The following SLC38A7 variants were observed in gnomAD, a reference collection of about 807,000 sequenced individuals.
SLC38A7 encodes the protein sodium-coupled neutral amino acid transporter 7.
SLC38A7 carries 29 observed loss-of-function variants against 50.1 expected under a neutral mutation model. The observed-to-expected ratio is 0.58, with a 90% CI of 0.43 to 0.79. SLC38A7 has a LOEUF of 0.79. SLC38A7 is among the 30% of genes least tolerant of loss of function. The probability of loss-of-function intolerance (pLI) is 0.00; values close to 1 mark genes in which losing one functional copy is unlikely to be tolerated. For synonymous variants in SLC38A7, 244 were observed against 245.9 expected, an observed-to-expected ratio of 0.99 and a Z score of 0.07; for missense variants, 483 against 610.6, an observed-to-expected ratio of 0.79 and a Z score of 2.20.
intron 11 of SLC38A7, among the ~76,000 whole-genome samples, chr16:58,669,713 G>C (rs1008356836): frequency 9.4e-5 from 11 of 117,340 alleles, no homozygotes; most frequent in Non-Finnish European, 1.4e-4. Flanking sequence ...GGTGGCTCAC[G>C]CCTGTAATGC....
In SLC38A7 at chr16:58,678,820, G is replaced by A; in HGVS notation, c.345C>T (p.Tyr115=). Residue 115 remains tyrosine, a synonymous_variant, in exon 4 of 12, where the codon TAC becomes TAT. Transcript: ENST00000219320. The surrounding 1 kb of genome is among the most constrained non-coding windows in gnomAD (Gnocchi z 4.0). ...CACACACAGCCCATACCACCTCCTG[G>A]TAGGTCCTCTCATTGCTGGCCTGGG... The part of the protein sequence containing the change: ...YCSQASNERT[Y]QEVVWAVCGK... The A allele has an allele frequency of 6.2e-7, 1 of 1,614,198 alleles. No homozygotes were observed. Among genetic ancestry groups the A allele is most frequent in the Non-Finnish European group, 8.5e-7 (1 of 1,180,026 alleles).
rs34081609 is a variant in SLC38A7 at position 58,673,083 on chromosome 16, A to ATTTTT, written c.884-845_884-841dup. 2.5e-3 allele frequency among the ~76,000 whole-genome samples: 153 copies of ATTTTT among 60,390 alleles called. 16 individuals carry two copies. The highest frequency in any genetic ancestry group is 0.014 in the African/African-American group (146 of 10,734). 39.6% of individuals were successfully genotyped at this position (60,390 alleles called of 152,430 possible). On this transcript the variant is annotated intron_variant, in intron 8 of 11. Coordinates refer to ENST00000219320, the MANE Select transcript of SLC38A7 (RefSeq NM_018231.3). ...GCTGGGATTACACCATGCCCGGCTA[A>ATTTTT]TTTTTTTTTTTTTTTTTTTTTTTTT...
intron 2 of SLC38A7, among the ~76,000 whole-genome samples, chr16:58,683,158 C>T (rs558919939): frequency 3.9e-5 from 6 of 152,276 alleles, no homozygotes; most frequent in Non-Finnish European, 7.3e-5. Flanking sequence ...GGATTACAGG[C>T]GTGAGCCACA....
At position 58,675,933 on chromosome 16, in the gene SLC38A7, C is replaced by A. The variant is rs1160434055; in HGVS notation, c.883+7G>T. 4 of 1,592,992 alleles carry A rather than the reference C, an allele frequency of 2.5e-6. No individual in the cohort carries two copies. Among genetic ancestry groups the A allele is most frequent in the South Asian group, 1.1e-5 (1 of 88,958 alleles). The stretch of plus-strand genomic sequence containing the variant: ...AGTCCCAGGTCTTGGGGGGGGGGAG[C>A]ACTCACCTGTCCCCATGTAGACAGC... On this transcript the variant is annotated splice_region_variant and intron_variant, in intron 8 of 11. Coordinates refer to ENST00000219320, the MANE Select transcript of SLC38A7 (RefSeq NM_018231.3).
rs1040682493 is a variant in SLC38A7, at chr16:58,665,274, G to A, written c.*2111C>T. 16 of 152,382 alleles carry A rather than the reference G, an allele frequency of 1.0e-4. No homozygotes were observed. The highest frequency in any genetic ancestry group is 3.3e-4 in the Admixed American group (5 of 15,280). 9.4% of individuals were successfully genotyped at this position (152,382 alleles called of 1,614,324 possible). A position where few individuals can be genotyped will look rare whatever the true frequency, so the allele number is the denominator to read the frequency against. On this transcript the variant is annotated 3_prime_UTR_variant, in exon 12 of 12. Transcript: ENST00000219320. ...TCCAGCTCCTTCTCCTGACTGGTCT[G>A]TCTCTGTGCAATGACTCCACTTACA...
In SLC38A7 at chr16:58,678,338, A is replaced by G. The variant is rs1054620697; in HGVS notation, c.606T>C (p.Tyr202=). 1.3e-6 allele frequency: 2 copies of G among 1,558,080 alleles called. No individual in the cohort carries two copies. The highest frequency in any genetic ancestry group is 2.3e-5 in the East Asian group (1 of 44,228). The change falls in exon 5 of 12, where the codon TAT becomes TAC. Residue 202 remains tyrosine, a synonymous_variant. Transcript: ENST00000219320. This position sits in a 1 kb window ranked among gnomAD's most constrained non-coding sequence, Gnocchi z 4.0. ...SIPREIGFQK[Y]ASFLSVVGTW... is the part of the protein sequence containing the mutation. Reference sequence around the variant, plus strand: ...CCAGGCTGGGGCCTCCAAACCTGGCATATTTCTGGAAACCAATCTCCCTGG... The same window carrying G: ...CCAGGCTGGGGCCTCCAAACCTGGCGTATTTCTGGAAACCAATCTCCCTGG...
rs759222964 is a variant in SLC38A7, at chr16:58,678,783, C to CA, written c.381_382insT (p.Gly128TrpfsTer5). ...GCGATGGCCACCTCACATAGCACACCTGTCAGCTTGCCACACACAGCCCAT... is the reference window on the plus strand; with the variant it reads ...GCGATGGCCACCTCACATAGCACACCATGTCAGCTTGCCACACACAGCCCAT... On this transcript the variant is annotated frameshift_variant, in exon 4 of 12. Transcript: ENST00000219320. LOFTEE classifies it high-confidence loss of function. The surrounding 1 kb of genome is among the most constrained non-coding windows in gnomAD (Gnocchi z 4.0). 2 of 1,614,174 alleles carry CA rather than the reference C, an allele frequency of 1.2e-6. No individual in the cohort carries two copies. The highest frequency in any genetic ancestry group is 1.1e-5 in the South Asian group (1 of 91,084).
In SLC38A7 at chr16:58,676,050, T is replaced by C; in HGVS notation, c.773A>G (p.His258Arg). 1.9e-6 allele frequency: 3 copies of C among 1,612,898 alleles called. No homozygotes were observed. Among genetic ancestry groups the C allele is most frequent in the Non-Finnish European group, 2.5e-6 (3 of 1,179,536 alleles). ...GTTGAAGACGGGCACACTGCTGACG[T>C]GGCACTGTCCAGGTGAAGGGCACCG... is the stretch of plus-strand genomic sequence containing the variant. Reference protein sequence around the residue: ...MPTICFGFQCHVSSVPVFNSM... With the variant: ...MPTICFGFQCRVSSVPVFNSM... Residue 258 changes from histidine (H) to arginine (R), a missense_variant, in exon 8 of 12, where the codon CAC becomes CGC. Transcript: ENST00000219320.
Position 58,676,013 on chromosome 16 carries a change from C to T in SLC38A7, c.810G>A (p.Gln270=). Residue 270 remains glutamine (Q), a synonymous_variant, in exon 8 of 12, where the codon CAG becomes CAA. Transcript: ENST00000219320. ...SSVPVFNSMQ[Q]PEVKTWGGVV... ...CTCCACCCCAGGTCTTCACTTCAGG[C>T]TGCTGCATGCTGTTGAAGACGGGCA... 5 of 1,613,700 alleles carry T rather than the reference C, an allele frequency of 3.1e-6. No homozygotes were observed. Among genetic ancestry groups the T allele is most frequent in the Non-Finnish European group, 3.4e-6 (4 of 1,179,864 alleles).
chr16:58,670,226 G>GCCAC, intron 10 of SLC38A7, 59 bp from the exon 11 acceptor site: 1 of 1,532,906 alleles, frequency 6.5e-7, no homozygotes, highest in Non-Finnish European at 9.0e-7. Flanking sequence ...CTCCCTCCTA[G>GCCAC]CCACCTCCTT....
chr16:58,681,434 T>G (rs1274798164), intron 2 of SLC38A7: 1 of 81,944 alleles, frequency 1.2e-5, no homozygotes. Context: ...TGAGATGCAG[T>G]TTTTTTTCTT....
chr16:58,684,313 T>G (rs922461115), intron 1 of SLC38A7, 135 bp from the exon 2 acceptor site: 1 of 152,446 alleles, frequency 6.6e-6, no homozygotes, highest in South Asian at 2.1e-4. Flanking sequence ...AGATCCCAAC[T>G]GGAGTGTGCT....
intron 6 of SLC38A7, 111 bp downstream of exon 6, chr16:58,677,215 C>T (rs1005695001): frequency 8.2e-6 from 7 of 854,250 alleles, no homozygotes; most frequent in South Asian, 1.4e-5. Context: ...CCCTGATGAG[C>T]TCATGAGCCT....
At chr16:58,672,348 C>T in intron 8 of SLC38A7, 105 bp from the exon 9 acceptor site, 1 of 1,254,514 alleles carries the variant, frequency 8.0e-7, no homozygotes, top group Non-Finnish European at 1.1e-6. Context: ...AGCAGCAGCT[C>T]TGGACACTTA....
At chr16:58,684,369 T>TGCTTTGTGAGGTGAG (rs1337412057) in intron 1 of SLC38A7, 191 bp from the exon 2 acceptor site, 4 of 152,406 alleles carry the variant, frequency 2.6e-5, no homozygotes, top group South Asian at 2.1e-4. Context: ...AAGGGTGGGC[T>TGCTTTGTGAGGTGAG]GCTTTGTGAG....
intron 2 of SLC38A7, among the ~76,000 whole-genome samples, chr16:58,683,063 A>T (rs2044426036): frequency 6.7e-6 from 1 of 149,960 alleles, no homozygotes; most frequent in Admixed American, 6.7e-5. Flanking sequence ...TTCTGTAGAG[A>T]TGAGGAGGTC....
At chr16:58,675,327 T>C (rs1417602636) in intron 8 of SLC38A7, 1 of 418,076 alleles carries the variant, frequency 2.4e-6, no homozygotes, top group Admixed American at 2.8e-5. Context: ...GGCAACATAG[T>C]GAGACCTTGT....
rs1184550071 is a variant in SLC38A7, at chr16:58,665,589, C to T, written c.*1796G>A. 1.3e-5 allele frequency: 2 copies of T among 152,254 alleles called. No homozygotes were observed. Among genetic ancestry groups the T allele is most frequent in the African/African-American group, 4.8e-5 (2 of 41,422 alleles). 9.4% of individuals were successfully genotyped at this position (152,254 alleles called of 1,614,324 possible). A position where few individuals can be genotyped will look rare whatever the true frequency, so the allele number is the denominator to read the frequency against. ...AGTGGCGGGCGGCTCGGCAGGGGGT[C>T]CCTCTCGTACCCTTTACAGAGGTTT... On this transcript the variant is annotated 3_prime_UTR_variant, in exon 12 of 12. Transcript: ENST00000219320.
chr16:58,671,626 A>C, intron 9 of SLC38A7: 1 of 275,748 alleles, frequency 3.6e-6, no homozygotes. Context: ...CAGTGGTGCA[A>C]TCTTGGCTCA....
Sources: allele counts gnomAD v4.1 joint callset (sites outside exome capture counted in the v4.1 genomes callset), GRCh38; gene constraint gnomAD v4.1.1; non-coding constraint Gnocchi (gnomAD v3.1); transcripts MANE v1.5; gene names NCBI Gene and HGNC (gene_info 2026-07-23, HGNC 2026-07-21).